The following RANBP17 variants were observed in gnomAD, a reference collection of about 807,000 sequenced individuals.
RANBP17 encodes ran-binding protein 17.
A neutral mutation model predicts 141.2 loss-of-function variants in RANBP17; 158 were observed. The observed-to-expected ratio is 1.12, with a 90% CI of 0.98 to 1.28. RANBP17 has a LOEUF of 1.28. Among genes scored for constraint, RANBP17 ranks in the 50% most tolerant of loss-of-function variants. RANBP17 has a pLI of 0.00. For synonymous variants in RANBP17, 430 were observed against 450.0 expected, an observed-to-expected ratio of 0.96 and a Z score of 0.56; for missense variants, 1,438 against 1,290.7, an observed-to-expected ratio of 1.11 and a Z score of -1.75.
intron 24 of RANBP17, chr5:171,251,809 C>T (rs1561801978): frequency 8.2e-7 from 1 of 1,216,838 alleles, no homozygotes; most frequent in African/African-American, 1.5e-5. Context: ...TGGTGCTGGC[C>T]GGATGTAAAT....
chr5:171,090,549 AAGG>A (rs1253066942), intron 14 of RANBP17, among the ~76,000 whole-genome samples: 2 of 152,200 alleles, frequency 1.3e-5, no homozygotes, highest in African/African-American at 4.8e-5. Flanking sequence ...CTGCAGAAGT[AAGG>A]AGGAGCCGAA....
intron 14 of RANBP17, among the ~76,000 whole-genome samples, chr5:171,040,141 A>G (rs1284173249): frequency 6.6e-6 from 1 of 152,188 alleles, no homozygotes; most frequent in Non-Finnish European, 1.5e-5. Context: ...AGCAATCCAC[A>G]TCTAGCATCA....
intron 14 of RANBP17, among the ~76,000 whole-genome samples, chr5:171,102,929 G>C (rs1420893909): frequency 1.3e-5 from 2 of 152,164 alleles, no homozygotes; most frequent in Admixed American, 6.5e-5. Context: ...ACCAGCAGAG[G>C]CTACACAACA....
intron 14 of RANBP17, among the ~76,000 whole-genome samples, chr5:170,978,169 C>T (rs769459945): frequency 2.0e-5 from 3 of 152,092 alleles, no homozygotes; most frequent in Non-Finnish European, 2.9e-5. Flanking sequence ...TATCACTGCT[C>T]ATCTGACAAA....
intron 25 of RANBP17, among the ~76,000 whole-genome samples, chr5:171,286,793 A>C (rs1424010857): frequency 6.6e-6 from 1 of 152,198 alleles, no homozygotes; most frequent in Non-Finnish European, 1.5e-5. Context: ...AAAATCTGGA[A>C]GCTTTTTCTC....
intron 14 of RANBP17, among the ~76,000 whole-genome samples, chr5:171,026,623 A>G (rs1781250861): frequency 6.6e-6 from 1 of 152,194 alleles, no homozygotes; most frequent in Non-Finnish European, 1.5e-5. Context: ...TAGATTACCA[A>G]ACATCTGTGA....
In RANBP17 at chr5:170,883,633, A is replaced by G. The variant is rs115656796; in HGVS notation, c.256+1737A>G. 2.8e-3 allele frequency among the ~76,000 whole-genome samples: 426 copies of G among 151,758 alleles called. 3 individuals carry two copies. Among genetic ancestry groups the G allele is most frequent in the African/African-American group, 9.6e-3 (397 of 41,462 alleles). ...ACCCTCCCCCAACCCTGATCTTTTT[A>G]CTGTCTCCATAGCTTTGCCTTTTCC... On this transcript the variant is annotated intron_variant, in intron 3 of 27. Transcript: ENST00000523189.
intron 14 of RANBP17, among the ~76,000 whole-genome samples, chr5:170,976,135 A>C (rs1777362886): frequency 6.6e-6 from 1 of 152,186 alleles, no homozygotes; most frequent in African/African-American, 2.4e-5. Flanking sequence ...TAGAACTAAT[A>C]ACATCAGTAA....
chr5:171,265,136 T>C (rs2128019254), intron 24 of RANBP17, among the ~76,000 whole-genome samples: 1 of 152,332 alleles, frequency 6.6e-6, no homozygotes, highest in South Asian at 2.1e-4. Flanking sequence ...AAAGAGGTTG[T>C]TAAGGTCGCA....
At chr5:170,955,425 C>G (rs1775538742) in intron 13 of RANBP17, among the ~76,000 whole-genome samples, 1 of 145,190 alleles carries the variant, frequency 6.9e-6, no homozygotes, top group Admixed American at 7.0e-5. Flanking sequence ...TTGTGATGAT[C>G]TCTTCTAACT....
At chr5:171,036,171 G>C (rs1781870836) in intron 14 of RANBP17, among the ~76,000 whole-genome samples, 1 of 152,188 alleles carries the variant, frequency 6.6e-6, no homozygotes, top group Non-Finnish European at 1.5e-5. Flanking sequence ...CAAAGTGCTA[G>C]GATTACAGGT....
At chr5:171,273,243 C>G (rs1767243304) in intron 25 of RANBP17, among the ~76,000 whole-genome samples, 1 of 152,222 alleles carries the variant, frequency 6.6e-6, no homozygotes, top group Admixed American at 6.5e-5. Context: ...TAACCTCTTT[C>G]TGGTTGTAAA....
chr5:171,097,641 AT>A (rs1223299813), intron 14 of RANBP17, among the ~76,000 whole-genome samples: 1 of 147,188 alleles, frequency 6.8e-6, no homozygotes, highest in African/African-American at 2.5e-5. Context: ...TATTATTATT[AT>A]TATTATTATT....
intron 14 of RANBP17, among the ~76,000 whole-genome samples, chr5:171,110,983 G>A (rs2127758613): frequency 6.6e-6 from 1 of 151,630 alleles, no homozygotes; most frequent in East Asian, 1.9e-4. Flanking sequence ...CTAGCATTAG[G>A]TATATCTCCC....
chr5:171,037,136 G>A (rs2127627862), intron 14 of RANBP17, among the ~76,000 whole-genome samples: 1 of 151,678 alleles, frequency 6.6e-6, no homozygotes, highest in South Asian at 2.1e-4. Flanking sequence ...TTTAATAATA[G>A]CCATCCTGAC....
intron 24 of RANBP17, among the ~76,000 whole-genome samples, chr5:171,256,854 C>T (rs1252797861): frequency 6.6e-6 from 1 of 151,384 alleles, no homozygotes; most frequent in African/African-American, 2.4e-5. Context: ...GAGATTGAAC[C>T]AGGAAGAAAT....
chr5:171,152,615 T>A (rs1354610454), intron 14 of RANBP17, among the ~76,000 whole-genome samples: 51 of 152,114 alleles, frequency 3.4e-4, no homozygotes, highest in Admixed American at 3.3e-3. Flanking sequence ...CCATCTACTG[T>A]CCAGTTTTTG....
intron 14 of RANBP17, among the ~76,000 whole-genome samples, chr5:171,039,418 T>A (rs921601704): frequency 8.5e-5 from 13 of 152,078 alleles, no homozygotes; most frequent in Non-Finnish European, 8.8e-5. Flanking sequence ...CTATTTTTTT[T>A]AATGAGATGT....
intron 14 of RANBP17, among the ~76,000 whole-genome samples, chr5:171,160,859 C>T (rs1759298667): frequency 6.6e-6 from 1 of 152,080 alleles, no homozygotes; most frequent in Admixed American, 6.5e-5. Flanking sequence ...ATGGAGCAGT[C>T]TCAGCTCACT....
Sources: gnomAD v4.1 joint callset for allele counts (sites outside exome capture counted in the v4.1 genomes callset) on GRCh38, gnomAD v4.1.1 for gene constraint, MANE v1.5 for transcripts, NCBI Gene and HGNC (gene_info 2026-07-23, HGNC 2026-07-21) for gene names.